The following ADAM23 variants were observed in gnomAD, a reference collection of about 807,000 sequenced individuals.
ADAM23 encodes disintegrin and metalloproteinase domain-containing protein 23.
A neutral mutation model predicts 120.1 loss-of-function variants in ADAM23; 33 were observed. The ratio of observed to expected loss-of-function variants is 0.27; its 90% CI spans 0.21 to 0.37. ADAM23 has a LOEUF of 0.37. ADAM23 is among the 10% of genes least tolerant of loss of function. The pLI, the probability that ADAM23 is intolerant of heterozygous loss-of-function variation, is 1.00. For missense variants in ADAM23, 862 were observed against 1,058.2 expected, an observed-to-expected ratio of 0.81 and a Z score of 2.57; for synonymous variants, 367 against 375.2, an observed-to-expected ratio of 0.98 and a Z score of 0.25.
chr2:206,616,040 A>G (rs1429479186), intron 25 of ADAM23, among the ~76,000 whole-genome samples: 1 of 152,220 alleles, frequency 6.6e-6, no homozygotes, highest in Non-Finnish European at 1.5e-5. Context: ...TTCTAGCAAT[A>G]CATAGCTCAC....
intron 3 of ADAM23, among the ~76,000 whole-genome samples, chr2:206,499,336 C>A (rs1375400788): frequency 1.3e-5 from 2 of 151,368 alleles, no homozygotes; most frequent in Admixed American, 6.6e-5. Context: ...AGTTCATGTC[C>A]TTTGTAGGGA....
intron 18 of ADAM23, among the ~76,000 whole-genome samples, chr2:206,585,716 A>G (rs1006119239): frequency 6.6e-5 from 10 of 152,184 alleles, no homozygotes; most frequent in African/African-American, 2.4e-4. Flanking sequence ...AAGGAACAAA[A>G]CATAGAATCC....
At chr2:206,498,234 TACTTG>T (rs1696301710) in intron 3 of ADAM23, among the ~76,000 whole-genome samples, 1 of 152,212 alleles carries the variant, frequency 6.6e-6, no homozygotes, top group Non-Finnish European at 1.5e-5. Flanking sequence ...GGCATCGAGC[TACTTG>T]ACTTCAAACT....
intron 4 of ADAM23, among the ~76,000 whole-genome samples, chr2:206,538,843 G>T (rs189665133): frequency 9.9e-5 from 15 of 152,044 alleles, no homozygotes; most frequent in African/African-American, 3.6e-4. Flanking sequence ...ACTCCTCCTG[G>T]GCTTAAGCAA....
chr2:206,571,979 C>A (rs1272168298), intron 17 of ADAM23, among the ~76,000 whole-genome samples, 163 bp downstream of exon 17: 5 of 152,028 alleles, frequency 3.3e-5, no homozygotes, highest in African/African-American at 1.2e-4. Flanking sequence ...TTCTGTGGGC[C>A]GCAACATTTA....
At chr2:206,546,896 C>T (rs1253955280) in intron 6 of ADAM23, among the ~76,000 whole-genome samples, 1 of 152,088 alleles carries the variant, frequency 6.6e-6, no homozygotes, top group African/African-American at 2.4e-5. Flanking sequence ...AGCATAATTT[C>T]TAGGGCAAAA....
Position 206,526,847 on chromosome 2 carries a change from A to G in ADAM23, c.510-4038A>G, listed in dbSNP as rs994480416. ...ATTCTCCTGCTCTTACATGTTCTTC[A>G]TATTTTGAGTAAAATCATATTTAGT... is the stretch of plus-strand genomic sequence containing the variant. On this transcript the variant is annotated intron_variant, in intron 3 of 25. Transcript: ENST00000264377. Among the ~76,000 whole-genome samples the G allele has an allele frequency of 2.6e-5, 4 of 152,286 alleles. No individual in the cohort carries two copies. The South Asian group carries it at 6.2e-4, about 24-fold the overall frequency.
chr2:206,498,501 C>A (rs894880362), intron 3 of ADAM23, among the ~76,000 whole-genome samples: 4 of 152,090 alleles, frequency 2.6e-5, no homozygotes, highest in African/African-American at 9.7e-5. Flanking sequence ...AAAATTAATT[C>A]AAGATGGATT....
chr2:206,529,371 C>A (rs915547097), intron 3 of ADAM23, among the ~76,000 whole-genome samples: 1 of 151,970 alleles, frequency 6.6e-6, no homozygotes, highest in African/African-American at 2.4e-5. Flanking sequence ...ACTTTCTTAA[C>A]CTTTGTTATT....
chr2:206,474,343 A>G (rs1207255785), intron 2 of ADAM23, among the ~76,000 whole-genome samples: 1 of 152,208 alleles, frequency 6.6e-6, no homozygotes, highest in South Asian at 2.1e-4. Context: ...AGCATAATAC[A>G]TAATGGTAAT....
chr2:206,467,757 C>A (rs1475256264), intron 2 of ADAM23, among the ~76,000 whole-genome samples: 2 of 152,228 alleles, frequency 1.3e-5, no homozygotes, highest in Non-Finnish European at 2.9e-5. Context: ...CTGCACTTCC[C>A]TACTAGAGGT....
chr2:206,592,872 C>A, intron 22 of ADAM23, 136 bp downstream of exon 22: 1 of 1,098,754 alleles, frequency 9.1e-7, no homozygotes, highest in Non-Finnish European at 1.3e-6. Flanking sequence ...TTTATTATCA[C>A]CTTTCATATT....
intron 2 of ADAM23, among the ~76,000 whole-genome samples, chr2:206,447,811 GA>G (rs1695113358): frequency 6.6e-6 from 1 of 152,110 alleles, no homozygotes; most frequent in Non-Finnish European, 1.5e-5. Flanking sequence ...GAAAGCCTTA[GA>G]AATGCTGAAT....
intron 3 of ADAM23, among the ~76,000 whole-genome samples, chr2:206,521,974 G>T (rs116226184): frequency 6.6e-6 from 1 of 152,008 alleles, no homozygotes; most frequent in African/African-American, 2.4e-5. Flanking sequence ...TAATTCACAG[G>T]TATTTTATTG....
intron 2 of ADAM23, among the ~76,000 whole-genome samples, chr2:206,477,922 A>ATATAT (rs1491552690): frequency 7.3e-6 from 1 of 137,160 alleles, no homozygotes; most frequent in Non-Finnish European, 1.6e-5. Flanking sequence ...ATATATATAT[A>ATATAT]AAACAACAAT....
Position 206,557,461 on chromosome 2 carries a change from A to T in ADAM23, c.968A>T (p.Asn323Ile). Reference sequence around the variant, plus strand: ...CATCGCTCTTCTCATGCACATACCAACAACTTTGCAAAGTCCGTGGTCAAC... The same window carrying T: ...CATCGCTCTTCTCATGCACATACCATCAACTTTGCAAAGTCCGTGGTCAAC... ...KKHRSSHAHT[N>I]NFAKSVVNLV... The change falls in exon 10 of 26, where the codon AAC (asparagine) becomes ATC (isoleucine). Residue 323 changes from asparagine to isoleucine, a missense_variant. Transcript: ENST00000264377. 6.2e-7 allele frequency: 1 copy of T among 1,614,022 alleles called. No homozygotes were observed. The highest frequency in any genetic ancestry group is 1.7e-5 in the Admixed American group (1 of 60,026).
intron 18 of ADAM23, among the ~76,000 whole-genome samples, chr2:206,583,317 G>A (rs1163172897): frequency 1.3e-5 from 2 of 152,106 alleles, no homozygotes; most frequent in Admixed American, 6.5e-5. Context: ...AGCCGGGCGT[G>A]GTAACGAGCG....
intron 24 of ADAM23, among the ~76,000 whole-genome samples, chr2:206,599,842 A>C (rs1289318198): frequency 6.6e-6 from 1 of 152,212 alleles, no homozygotes; most frequent in Non-Finnish European, 1.5e-5. Context: ...TCAAGTTATT[A>C]AAACAATCAG....
chr2:206,525,986 G>C (rs1696936749), intron 3 of ADAM23, among the ~76,000 whole-genome samples: 1 of 152,080 alleles, frequency 6.6e-6, no homozygotes, highest in Admixed American at 6.5e-5. Flanking sequence ...GGGAATCTTG[G>C]TACCTAACTT....
Sources: allele counts gnomAD v4.1 joint callset (sites outside exome capture counted in the v4.1 genomes callset), GRCh38; gene constraint gnomAD v4.1.1; transcripts MANE v1.5; gene names NCBI Gene and HGNC (gene_info 2026-07-23, HGNC 2026-07-21).